Variants in PACRGL observed in about 807,000 individuals in gnomAD.
The protein encoded by PACRGL is PACRG-like protein.
PACRGL carries 38 observed loss-of-function variants against 34.5 expected under a neutral mutation model. That is an observed-to-expected ratio of 1.10 (90% confidence interval 0.85 to 1.44). The LOEUF is 1.44. Ranked by LOEUF, PACRGL falls within the 40% of genes most tolerant of loss-of-function variation. The pLI, the probability that PACRGL is intolerant of heterozygous loss-of-function variation, is 0.00. For synonymous variants in PACRGL, 128 were observed against 100.1 expected (o/e 1.28, Z -1.66); for missense variants, 305 against 281.4 (o/e 1.08, Z -0.60).
the PACRGL span, among the ~76,000 whole-genome samples, chr4:20,764,034 C>T: frequency 6.6e-6 from 1 of 152,098 alleles, no homozygotes; most frequent in East Asian, 1.9e-4. Context: ...AGTAGGGTTC[C>T]TGGGTTTAGG....
intron 8 of PACRGL, among the ~76,000 whole-genome samples, chr4:20,725,619 C>G (rs1745317358): frequency 6.6e-6 from 1 of 151,980 alleles, no homozygotes. Flanking sequence ...ACCATCTTAA[C>G]ATTGTATAAC....
rs1362041434 is a variant in PACRGL at position 20,718,396 on chromosome 4, C to T, written c.609+4857C>T. On this transcript the variant is annotated intron_variant, in intron 7 of 8. Transcript: ENST00000503585. ...AATAGGAGTGGTGAGAGAGGGCATC[C>T]CTGTCTTGTGCCAGTTTTCAAAGGG... Among the ~76,000 whole-genome samples the T allele has an allele frequency of 2.0e-5, 3 of 152,180 alleles. No homozygotes were observed. The East Asian group carries it at 5.8e-4, about 29-fold the overall frequency.
In PACRGL at chr4:20,704,759, CA is replaced by C; in HGVS notation, c.154del (p.Arg52GlufsTer11). The C allele has an allele frequency of 6.2e-7, 1 of 1,614,112 alleles. No individual in the cohort carries two copies. The highest frequency in any genetic ancestry group is 1.3e-5 in the African/African-American group (1 of 75,034). ...TTGTCAACCAGTTCTCCAGAGTCTG[CA>C]AGAAAACTTCATCCTAGACCAAGTG... ...SSLSTSSPES[A>X]RKLHPRPSDK... On this transcript the variant is annotated frameshift_variant, in exon 3 of 9. Transcript: ENST00000503585. LOFTEE classifies it high-confidence loss of function.
intron 7 of PACRGL, among the ~76,000 whole-genome samples, chr4:20,720,219 G>T (rs553249899): frequency 1.3e-5 from 2 of 152,110 alleles, no homozygotes; most frequent in South Asian, 2.1e-4. Flanking sequence ...GAGCCTATGT[G>T]TGTCTCTGCA....
rs1158113651 is a variant in PACRGL at position 20,730,945 on chromosome 4, C to CAAAG, written c.*3606_*3609dup. On this transcript the variant is annotated 3_prime_UTR_variant, in exon 9 of 9. Transcript: ENST00000503585. ...CTTAATGTCACCAAATTAATTCTCT[C>CAAAG]AAAGACCACTGCATGGAAATCCAAG... 1.3e-5 allele frequency among the ~76,000 whole-genome samples: 2 copies of CAAAG among 152,250 alleles called. No homozygotes were observed. Among genetic ancestry groups the CAAAG allele is most frequent in the Admixed American group, 1.3e-4 (2 of 15,282 alleles).
intron 8 of PACRGL, among the ~76,000 whole-genome samples, chr4:20,751,721 A>G (rs1335910866): frequency 6.6e-6 from 1 of 152,194 alleles, no homozygotes; most frequent in Non-Finnish European, 1.5e-5. Flanking sequence ...ACATGGGTAT[A>G]TGATAATTAC....
intron 8 of PACRGL, among the ~76,000 whole-genome samples, chr4:20,748,894 G>GTGTATATATATATA (rs1160169512): frequency 1.4e-4 from 20 of 145,258 alleles, no homozygotes; most frequent in African/African-American, 5.0e-4. Context: ...GTGTGTGTGT[G>GTGTATATATATATA]TATATATATA....
chr4:20,701,166 A>G (rs1388796868), intron 1 of PACRGL, among the ~76,000 whole-genome samples: 2 of 152,260 alleles, frequency 1.3e-5, no homozygotes, highest in East Asian at 1.9e-4. Context: ...CTGACTGAGA[A>G]TTGTTTTAGT....
At chr4:20,748,558 TTTTA>T (rs1456777073) in intron 8 of PACRGL, among the ~76,000 whole-genome samples, 1,656 of 118,326 alleles carry the variant, frequency 0.014, 31 homozygotes, top group Non-Finnish European at 0.015. Context: ...ACCTTCCAAA[TTTTA>T]TATATATATA....
At chr4:20,719,684 G>T (rs1742033472) in intron 7 of PACRGL, among the ~76,000 whole-genome samples, 1 of 152,106 alleles carries the variant, frequency 6.6e-6, no homozygotes, top group African/African-American at 2.4e-5. Flanking sequence ...ATTGCACTGT[G>T]GTCTGAGAGA....
intron 8 of PACRGL, 97 bp downstream of exon 8, chr4:20,724,985 A>T: frequency 3.1e-6 from 2 of 637,052 alleles, no homozygotes. Flanking sequence ...ATCTCATTTC[A>T]GCCACAGGTA....
chr4:20,721,051 A>C (rs986894390), intron 7 of PACRGL, among the ~76,000 whole-genome samples: 2 of 151,440 alleles, frequency 1.3e-5, no homozygotes, highest in South Asian at 2.1e-4. Context: ...TCTAAACTTC[A>C]CTTCTCGCTT....
upstream of PACRGL, among the ~76,000 whole-genome samples, chr4:20,700,257 C>A (rs965277940): frequency 6.6e-6 from 1 of 152,238 alleles, no homozygotes; most frequent in East Asian, 1.9e-4. Context: ...CGAAAAACAT[C>A]CTCCACCACG....
intron 5 of PACRGL, 159 bp from the exon 6 acceptor site, chr4:20,712,629 C>G (rs188262124): frequency 1.4e-6 from 1 of 700,246 alleles, no homozygotes; most frequent in East Asian, 3.2e-5. Context: ...CCCACAGTTT[C>G]TCAATGTAAT....
At chr4:20,720,926 A>C (rs1742776753) in intron 7 of PACRGL, among the ~76,000 whole-genome samples, 1 of 152,088 alleles carries the variant, frequency 6.6e-6, no homozygotes, top group Admixed American at 6.5e-5. Flanking sequence ...GTGTTTTCCA[A>C]CTTGGTTCCA....
At position 20,705,194 on chromosome 4, in the gene PACRGL, A is replaced by T. The variant is rs114307869; in HGVS notation, c.207+380A>T. On this transcript the variant is annotated intron_variant, in intron 3 of 8. Coordinates refer to ENST00000503585, the MANE Select transcript of PACRGL (RefSeq NM_001258345.3). ...GTCTCTGACCTTTCCTGTGTTCTGT[A>T]AATTAGTTCCACCAGAAATCCTAGT... 4.1e-3 allele frequency among the ~76,000 whole-genome samples: 627 copies of T among 152,210 alleles called. 9 individuals carry two copies. The highest frequency in any genetic ancestry group is 0.014 in the African/African-American group (593 of 41,532).
At chr4:20,702,979 A>G (rs1009581984) in intron 1 of PACRGL, among the ~76,000 whole-genome samples, 4 of 152,228 alleles carry the variant, frequency 2.6e-5, no homozygotes, top group African/African-American at 9.6e-5. Context: ...TTATCTTTAC[A>G]TGGTATCAGA....
In PACRGL at chr4:20,730,661, G is replaced by C. The variant is rs535179227; in HGVS notation, c.*3320G>C. Among the ~76,000 whole-genome samples, 3 of 152,234 alleles carry C rather than the reference G, an allele frequency of 2.0e-5. No homozygotes were observed. In the South Asian group the frequency reaches 6.2e-4, roughly 32 times the overall value. On this transcript the variant is annotated 3_prime_UTR_variant, in exon 9 of 9. Transcript: ENST00000503585. The stretch of plus-strand genomic sequence containing the variant: ...CTGCTAGTTATGGCTAAAGCTGCAT[G>C]GCCTGAAGGAGCCTTTAAAAATGAA...
At chr4:20,737,269 T>C (rs1185333600), downstream of PACRGL, among the ~76,000 whole-genome samples, 2 of 147,284 alleles carry the variant, frequency 1.4e-5, no homozygotes, top group Non-Finnish European at 3.0e-5. Context: ...GAACAGAGCA[T>C]TTCCCTAGGA....
Sources: allele counts gnomAD v4.1 joint callset (sites outside exome capture counted in the v4.1 genomes callset), GRCh38; gene constraint gnomAD v4.1.1; transcripts MANE v1.5; gene names NCBI Gene and HGNC (gene_info 2026-07-23, HGNC 2026-07-21).